The following WDR72 variants were observed in gnomAD, a reference collection of about 807,000 sequenced individuals.
WDR72 encodes WD repeat domain 72.
In WDR72, 120 loss-of-function variants were observed where a neutral mutation model predicts 124.2. The ratio of observed to expected loss-of-function variants is 0.97; its 90% CI spans 0.83 to 1.12. The LOEUF is 1.12. WDR72 is among the 50% of genes most tolerant of loss of function. The probability of loss-of-function intolerance (pLI) is 0.00; values close to 1 mark genes in which losing one functional copy is unlikely to be tolerated. For missense variants in WDR72, 1,387 were observed against 1,278.8 expected (o/e 1.08, Z -1.29); for synonymous variants, 452 against 441.7 (o/e 1.02, Z -0.29).
chr15:53,731,567 C>T lies in WDR72; in HGVS notation c.153+1430G>A, dbSNP rs112038554. On this transcript the variant is annotated intron_variant, in intron 2 of 19. Transcript: ENST00000360509. ...CTGTAGATAGTAACAGATGTCTCTT[C>T]GGAGGAAAATTGCTCCCTGTAAGAA... Among the ~76,000 whole-genome samples the T allele has an allele frequency of 6.7e-3, 1,012 of 151,558 alleles. 12 individuals carry two copies. The highest frequency in any genetic ancestry group is 0.023 in the African/African-American group (961 of 41,306).
chr15:53,721,525 C>T (rs1350117065), intron 3 of WDR72, among the ~76,000 whole-genome samples: 1 of 152,166 alleles, frequency 6.6e-6, no homozygotes, highest in Non-Finnish European at 1.5e-5. Context: ...TGTATTAGGA[C>T]ATTTCACTTT....
chr15:53,606,909 G>C (rs1263585046), intron 17 of WDR72, among the ~76,000 whole-genome samples: 1 of 152,092 alleles, frequency 6.6e-6, no homozygotes, highest in Non-Finnish European at 1.5e-5. Flanking sequence ...ATGATAACAA[G>C]TTTTTATAGC....
chr15:53,681,112 T>C (rs1336641704), intron 13 of WDR72, among the ~76,000 whole-genome samples: 1 of 152,210 alleles, frequency 6.6e-6, no homozygotes, highest in Non-Finnish European at 1.5e-5. Context: ...ATATTATTGA[T>C]ACAGTCAGAT....
In WDR72 at chr15:53,726,264, G is replaced by GTGTGTATATATA. The variant is rs1555428779; in HGVS notation, c.154-3357_154-3356insTATATATACACA. On this transcript the variant is annotated intron_variant, in intron 2 of 19. Coordinates refer to ENST00000360509, the MANE Select transcript of WDR72 (RefSeq NM_182758.4). The stretch of plus-strand genomic sequence containing the variant: ...TGTGTGTATATATATATGTATGTGT[G>GTGTGTATATATA]TATATATATATATATATATATACAC... 2.7e-4 allele frequency among the ~76,000 whole-genome samples: 30 copies of GTGTGTATATATA among 110,356 alleles called. No individual in the cohort carries two copies. In the Middle Eastern group the frequency reaches 0.014, roughly 50 times the overall value. 72.4% of individuals were successfully genotyped at this position (110,356 alleles called of 152,430 possible). A position where few individuals can be genotyped will look rare whatever the true frequency, so the allele number is the denominator to read the frequency against.
intron 18 of WDR72, among the ~76,000 whole-genome samples, chr15:53,584,494 G>GA (rs1201578959): frequency 6.6e-6 from 1 of 151,536 alleles, no homozygotes; most frequent in Non-Finnish European, 1.5e-5. Flanking sequence ...TATGAAGGCA[G>GA]AAAAAAATTA....
chr15:53,625,954 T>C (rs1463355991), intron 14 of WDR72, among the ~76,000 whole-genome samples: 1 of 152,214 alleles, frequency 6.6e-6, no homozygotes, highest in Non-Finnish European at 1.5e-5. Flanking sequence ...TAAACAAGAC[T>C]GGTTTTACTC....
chr15:53,578,020 A>C (rs545159339), intron 18 of WDR72, among the ~76,000 whole-genome samples: 1 of 152,286 alleles, frequency 6.6e-6, no homozygotes, highest in South Asian at 2.1e-4. Flanking sequence ...TCACCATCAT[A>C]TACCAGGACT....
At chr15:53,703,086 G>A (rs1018973079) in intron 11 of WDR72, among the ~76,000 whole-genome samples, 6 of 151,010 alleles carry the variant, frequency 4.0e-5, no homozygotes, top group Admixed American at 1.3e-4. Context: ...GCTAATTTTT[G>A]TTTTTTTTGC....
In WDR72 at chr15:53,733,992, A is replaced by G. The variant is rs543707838; in HGVS notation, c.-12-831T>C. 2.6e-5 allele frequency among the ~76,000 whole-genome samples: 4 copies of G among 152,324 alleles called. No individual in the cohort carries two copies. In the East Asian group the frequency reaches 7.7e-4, roughly 29 times the overall value. On this transcript the variant is annotated intron_variant, in intron 1 of 19. Coordinates refer to ENST00000360509, the MANE Select transcript of WDR72 (RefSeq NM_182758.4). ...TAAAAATGTCCGAAAGAGAGGAGAA[A>G]GGGGCCAAGCATACTTCCCACATTG...
At chr15:53,624,368 C>G (rs573411101) in intron 14 of WDR72, among the ~76,000 whole-genome samples, 9 of 152,334 alleles carry the variant, frequency 5.9e-5, no homozygotes, top group African/African-American at 1.9e-4. Flanking sequence ...TTCTGGATTA[C>G]TGGTTAATCA....
chr15:53,602,791 C>T (rs2013102690), intron 17 of WDR72, among the ~76,000 whole-genome samples: 1 of 151,896 alleles, frequency 6.6e-6, no homozygotes, highest in East Asian at 1.9e-4. Flanking sequence ...CAGGAAGAAA[C>T]TGAATCCCTG....
intron 14 of WDR72, among the ~76,000 whole-genome samples, chr15:53,665,064 T>C (rs2015730728): frequency 6.6e-6 from 1 of 152,192 alleles, no homozygotes; most frequent in Admixed American, 6.5e-5. Context: ...CTAAGCTGGT[T>C]GACTTGGTTT....
chr15:53,591,048 G>A (rs74961571), intron 18 of WDR72, among the ~76,000 whole-genome samples: 2,756 of 152,026 alleles, frequency 0.018, 48 homozygotes, highest in East Asian at 0.076. Flanking sequence ...TGGCTTCAGT[G>A]GTCTTAGTAA....
Position 53,664,043 on chromosome 15 carries a change from G to C in WDR72, c.1962+1529C>G, listed in dbSNP as rs564572242. 4.7e-4 allele frequency among the ~76,000 whole-genome samples: 71 copies of C among 152,178 alleles called. 1 individual carries two copies. In the South Asian group the frequency reaches 0.015, roughly 31 times the overall value. Reference sequence around the variant, plus strand: ...AAGGAGGAAAGTACGAACAAAAGCAGGTGTTCTAAATGGAGTCTTAAGAAG... The same window carrying C: ...AAGGAGGAAAGTACGAACAAAAGCACGTGTTCTAAATGGAGTCTTAAGAAG... On this transcript the variant is annotated intron_variant, in intron 14 of 19. Transcript: ENST00000360509.
chr15:53,686,609 A>C (rs1026317767), intron 13 of WDR72, among the ~76,000 whole-genome samples: 1 of 150,988 alleles, frequency 6.6e-6, no homozygotes, highest in African/African-American at 2.5e-5. Context: ...CACATTAATA[A>C]TGGGAGACTT....
In WDR72 at chr15:53,719,557, T is replaced by C. The variant is rs114735451; in HGVS notation, c.261-2872A>G. Among the ~76,000 whole-genome samples the C allele has an allele frequency of 5.0e-3, 764 of 152,248 alleles. 10 individuals are homozygous for C. The highest frequency in any genetic ancestry group is 0.017 in the African/African-American group (727 of 41,554). ...ATGTTCAATATGAAGCATAGCATCT[T>C]CTCTCTTTGGTTCATTATCTCAATG... On this transcript the variant is annotated intron_variant, in intron 3 of 19. Transcript: ENST00000360509.
At position 53,684,845 on chromosome 15, in the gene WDR72, A is replaced by C. The variant is rs374809133; in HGVS notation, c.1765+14905T>G. ...CTTTGAAGAGAGCAGTGATTCTCCC[A>C]GTACGCAGCTGGAGATCTGAGAAGG... On this transcript the variant is annotated intron_variant, in intron 13 of 19. Transcript: ENST00000360509. Among the ~76,000 whole-genome samples the C allele has an allele frequency of 7.4e-4, 113 of 152,328 alleles. 3 individuals carry two copies. In the South Asian group the frequency reaches 0.023, roughly 31 times the overall value.
intron 14 of WDR72, among the ~76,000 whole-genome samples, chr15:53,630,962 A>G (rs938455198): frequency 9.2e-5 from 14 of 152,336 alleles, no homozygotes; most frequent in African/African-American, 3.1e-4. Flanking sequence ...AGAAAACACT[A>G]AGGTATCCAC....
chr15:53,587,379 G>A (rs1246150387), intron 18 of WDR72, among the ~76,000 whole-genome samples: 1 of 151,916 alleles, frequency 6.6e-6, no homozygotes, highest in African/African-American at 2.4e-5. Flanking sequence ...CCACATCACT[G>A]ACAGAATCAC....
Sources: allele counts gnomAD v4.1 joint callset (sites outside exome capture counted in the v4.1 genomes callset), GRCh38; gene constraint gnomAD v4.1.1; transcripts MANE v1.5; gene names NCBI Gene and HGNC (gene_info 2026-07-23, HGNC 2026-07-21).